Variants in BRWD1 observed in about 807,000 individuals in gnomAD.
BRWD1 encodes the protein bromodomain and WD repeat-containing protein 1.
Under a neutral mutation model 251.2 loss-of-function variants are expected in BRWD1, and 82 were observed. That is an observed-to-expected ratio of 0.33 (90% CI 0.27 to 0.39). BRWD1 has a LOEUF of 0.39. Ranked by LOEUF, BRWD1 falls within the 10% of genes least tolerant of loss-of-function variation. The probability of loss-of-function intolerance (pLI) is 1.00; values close to 1 mark genes in which losing one functional copy is unlikely to be tolerated. For missense variants in BRWD1, 2,233 were observed against 2,711.6 expected (o/e 0.82, Z 3.92); for synonymous variants, 918 against 902.8 (o/e 1.02, Z -0.30).
upstream of BRWD1, among the ~76,000 whole-genome samples, chr21:39,318,637 T>G (rs1568992997): frequency 6.6e-6 from 1 of 152,146 alleles, no homozygotes; most frequent in Non-Finnish European, 1.5e-5. Context: ...CCTGGGCTGT[T>G]TTTTGTTTTG....
intron 8 of BRWD1, among the ~76,000 whole-genome samples, chr21:39,287,823 T>G (rs2035689332): frequency 6.6e-6 from 1 of 152,242 alleles, no homozygotes; most frequent in South Asian, 2.1e-4. Flanking sequence ...TTGTGATCAC[T>G]GAATTTCAGC....
chr21:39,293,659 C>T (rs953003349), intron 8 of BRWD1, 152 bp downstream of exon 8: 1 of 661,620 alleles, frequency 1.5e-6, no homozygotes, highest in Admixed American at 3.0e-5. Flanking sequence ...ATCAGCCTTC[C>T]ATGATTTGTA....
intron 3 of BRWD1, 28 bp downstream of exon 3, chr21:39,313,044 G>A (rs1005888707): frequency 5.1e-6 from 7 of 1,373,026 alleles, no homozygotes; most frequent in Non-Finnish European, 5.7e-6. Flanking sequence ...AGGAACCCGA[G>A]GGAGCGCGGG....
intron 1 of BRWD1, among the ~76,000 whole-genome samples, chr21:39,319,430 AAC>A (rs1456278308): frequency 2.0e-5 from 3 of 152,226 alleles, no homozygotes; most frequent in African/African-American, 7.2e-5. Flanking sequence ...CACTAGAGAA[AAC>A]ACAGTGTGGT....
At position 39,194,328 on chromosome 21, in the gene BRWD1, AAAGAG is replaced by A. The variant is rs1406442619; in HGVS notation, c.*1926_*1930del. 15 of 1,017,884 alleles carry A rather than the reference AAAGAG, an allele frequency of 1.5e-5. No homozygotes were observed. The highest frequency in any genetic ancestry group is 4.7e-4 in the Middle Eastern group (1 of 2,114). 63.1% of individuals were successfully genotyped at this position (1,017,884 alleles called of 1,614,324 possible). ...AGTTAAAACCTGAGAACAGATTATA[AAAGAG>A]AAGGTTAAGAAGAGTTTAAATAAAT... On this transcript the variant is annotated 3_prime_UTR_variant, in exon 41 of 41. Transcript: ENST00000342449.
chr21:39,234,369 T>C (rs2146560040), intron 23 of BRWD1, among the ~76,000 whole-genome samples: 1 of 152,280 alleles, frequency 6.6e-6, no homozygotes, highest in East Asian at 1.9e-4. Context: ...TGTTATCCTA[T>C]ATATTATTAA....
At chr21:39,281,872 CA>C (rs34428135) in intron 8 of BRWD1, among the ~76,000 whole-genome samples, 6 of 104,104 alleles carry the variant, frequency 5.8e-5, no homozygotes, top group African/African-American at 1.6e-4. Context: ...CTTCACCTAC[CA>C]AAAAAAATAT....
chr21:39,188,609 CTG>C lies in BRWD1; in HGVS notation c.*7648_*7649del. Reference sequence around the variant, plus strand: ...AGATGAGTACAGGTAAAAACTGCTTCTGTGGACTGACATGTTCATACAGCTAG... The same window carrying C: ...AGATGAGTACAGGTAAAAACTGCTTCTGGACTGACATGTTCATACAGCTAG... On this transcript the variant is annotated 3_prime_UTR_variant, in exon 41 of 41. Transcript: ENST00000342449. 1.0e-6 allele frequency: 1 copy of C among 985,414 alleles called. No homozygotes were observed. The allele number at this position is 985,414 out of a possible 1,614,324, so 61.0% of individuals were successfully genotyped here.
chr21:39,188,180 G>A lies in BRWD1; in HGVS notation c.*8079C>T, dbSNP rs1358630367. The A allele has an allele frequency of 5.1e-6, 5 of 985,396 alleles. No individual in the cohort carries two copies. The South Asian group carries it at 1.9e-4, about 37-fold the overall frequency. The allele number at this position is 985,396 out of a possible 1,614,324, so 61.0% of individuals were successfully genotyped here. A position where few individuals can be genotyped will look rare whatever the true frequency, so the allele number is the denominator to read the frequency against. On this transcript the variant is annotated 3_prime_UTR_variant, in exon 41 of 41. Transcript: ENST00000342449. ...TAATTAGTACTCTTCTAGAACAGAA[G>A]TGATATTCCTTTTACGTATCTGAAG... is the stretch of plus-strand genomic sequence containing the variant.
At position 39,187,633 on chromosome 21, in the gene BRWD1, T is replaced by C. The variant is rs1313491321; in HGVS notation, c.*8626A>G. Reference sequence around the variant, plus strand: ...ACTATAAGGATGTCACTTAAAACAGTAGCAGACTTGTAAGAATGGGGTGAA... The same window carrying C: ...ACTATAAGGATGTCACTTAAAACAGCAGCAGACTTGTAAGAATGGGGTGAA... On this transcript the variant is annotated 3_prime_UTR_variant, in exon 41 of 41. Transcript: ENST00000342449. The C allele has an allele frequency of 2.0e-6, 2 of 985,246 alleles. No homozygotes were observed. Among genetic ancestry groups the C allele is most frequent in the African/African-American group, 3.5e-5 (2 of 57,236 alleles). The allele number at this position is 985,246 out of a possible 1,614,324, so 61.0% of individuals were successfully genotyped here. A position where few individuals can be genotyped will look rare whatever the true frequency, so the allele number is the denominator to read the frequency against.
At chr21:39,314,435 T>G (rs370932812), upstream of BRWD1, 135 of 425,886 alleles carry the variant, frequency 3.2e-4, no homozygotes, top group African/African-American at 2.6e-3. Context: ...AAAACGGGAC[T>G]GTGGGGAGAG....
chr21:39,292,550 G>A (rs1207508340), intron 8 of BRWD1, among the ~76,000 whole-genome samples: 1 of 152,162 alleles, frequency 6.6e-6, no homozygotes, highest in East Asian at 1.9e-4. Flanking sequence ...TTTGGGAGTA[G>A]TGCCTAACAA....
At chr21:39,249,294 AC>A (rs746279021) in intron 20 of BRWD1, among the ~76,000 whole-genome samples, 9 of 152,104 alleles carry the variant, frequency 5.9e-5, no homozygotes, top group Non-Finnish European at 1.2e-4. Flanking sequence ...ATACACCAAA[AC>A]CCTATGACTC....
chr21:39,252,954 T>C (rs2034444202), intron 19 of BRWD1, among the ~76,000 whole-genome samples: 1 of 152,356 alleles, frequency 6.6e-6, no homozygotes, highest in African/African-American at 2.4e-5. Context: ...ATGTAATAGC[T>C]ACAGCTTCAG....
intron 21 of BRWD1, among the ~76,000 whole-genome samples, chr21:39,246,757 T>C (rs11701805): frequency 0.47 from 71,523 of 152,084 alleles, 17,000 homozygotes; most frequent in Admixed American, 0.54. Flanking sequence ...CATTATGCAA[T>C]GTCAAAGAAG....
intron 25 of BRWD1, among the ~76,000 whole-genome samples, chr21:39,230,991 G>A (rs2033592739): frequency 6.6e-6 from 1 of 152,108 alleles, no homozygotes; most frequent in African/African-American, 2.4e-5. Context: ...CAAGAATAAT[G>A]AGGATGGACT....
rs1363554321 is a variant in BRWD1, at chr21:39,212,674, T to C, written c.3892A>G (p.Arg1298Gly). The C allele has an allele frequency of 2.5e-6, 4 of 1,578,166 alleles. No homozygotes were observed. The highest frequency in any genetic ancestry group is 3.5e-6 in the Non-Finnish European group (4 of 1,151,156). ...DSDLPKTSSG[R>G]RRVHDGKKSI... ...CATGCAGAGTAACTTACTCTCCTCC[T>C]TCCAGAAGATGTTTTAGGAAGATCA... The change falls in exon 34 of 41, where the codon AGG becomes GGG. Residue 1298 changes from arginine (R) to glycine (G), a missense_variant. Around this residue, in one of 12 missense-constraint regions of BRWD1, gnomAD observed 167 missense variants for 183.2 expected, o/e 0.91. Coordinates refer to ENST00000342449, the MANE Select transcript of BRWD1 (RefSeq NM_033656.4).
rs1288480217 is a variant in BRWD1 at position 39,313,434 on chromosome 21, G to A, written c.49+9C>T. On this transcript the variant is annotated intron_variant, in intron 1 of 40. Coordinates refer to ENST00000342449, the MANE Select transcript of BRWD1 (RefSeq NM_033656.4). ...GCCAGGGCGGGGGTGGCACGGCCTC[G>A]CGTCTTACCCGACTCGATGAGAGGC... is the stretch of plus-strand genomic sequence containing the variant. The A allele has an allele frequency of 3.6e-6, 5 of 1,404,072 alleles. No individual in the cohort carries two copies. Among genetic ancestry groups the A allele is most frequent in the East Asian group, 3.0e-5 (1 of 33,190 alleles). The allele number at this position is 1,404,072 out of a possible 1,614,324, so 87.0% of individuals were successfully genotyped here. A position where few individuals can be genotyped will look rare whatever the true frequency, so the allele number is the denominator to read the frequency against.
At chr21:39,240,443 A>G (rs2033948999) in intron 21 of BRWD1, among the ~76,000 whole-genome samples, 1 of 152,208 alleles carries the variant, frequency 6.6e-6, no homozygotes, top group Non-Finnish European at 1.5e-5. Flanking sequence ...GCAGTGAGCT[A>G]TGATTGCACC....
Sources: allele counts gnomAD v4.1 joint callset (sites outside exome capture counted in the v4.1 genomes callset), GRCh38; gene constraint gnomAD v4.1.1; regional missense constraint gnomAD v4.1.1; transcripts MANE v1.5; gene names NCBI Gene and HGNC (gene_info 2026-07-23, HGNC 2026-07-21).